Variants in RBMS3 observed in about 807,000 individuals in gnomAD.
The protein encoded by RBMS3 is RNA-binding motif, single-stranded-interacting protein 3.
RBMS3 carries 27 observed loss-of-function variants against 66.8 expected under a neutral mutation model. The observed-to-expected ratio is 0.40, with a 90% CI of 0.30 to 0.56. The LOEUF is 0.56. Ranked by LOEUF, RBMS3 falls within the 20% of genes least tolerant of loss-of-function variation. The pLI, the probability that RBMS3 is intolerant of heterozygous loss-of-function variation, is 0.40. For missense variants in RBMS3, 513 were observed against 549.5 expected (o/e 0.93, Z 0.66); for synonymous variants, 188 against 183.0 (o/e 1.03, Z -0.22).
At chr3:29,816,088 T>C (rs1019534462) in intron 6 of RBMS3, among the ~76,000 whole-genome samples, 114 of 152,230 alleles carry the variant, frequency 7.5e-4, no homozygotes, top group African/African-American at 2.6e-3. Context: ...GGTGGATGTA[T>C]AGGGAGTATG....
At chr3:30,002,210 T>A (rs908369918) in intron 14 of RBMS3, among the ~76,000 whole-genome samples, 9 of 152,026 alleles carry the variant, frequency 5.9e-5, no homozygotes, top group Non-Finnish European at 1.2e-4. Flanking sequence ...TTGAGACCAG[T>A]GAATATCAAG....
At chr3:29,762,727 C>T (rs2055747394) in intron 5 of RBMS3, among the ~76,000 whole-genome samples, 183 bp from the exon 6 acceptor site, 1 of 152,084 alleles carries the variant, frequency 6.6e-6, no homozygotes, top group Admixed American at 6.6e-5. Flanking sequence ...ATAATACTTT[C>T]TAAGCATTAA....
At chr3:29,607,022 C>A (rs79858836) in intron 4 of RBMS3, among the ~76,000 whole-genome samples, 1 of 151,932 alleles carries the variant, frequency 6.6e-6, no homozygotes, top group South Asian at 2.1e-4. Context: ...GTTTGCTTCA[C>A]AGTTTCACTA....
chr3:29,399,585 C>T (rs1296877953), intron 1 of RBMS3, among the ~76,000 whole-genome samples: 2 of 152,168 alleles, frequency 1.3e-5, no homozygotes, highest in Admixed American at 6.6e-5. Context: ...GCCGAACTTC[C>T]AGCATCATGG....
At chr3:29,404,681 C>T (rs1228910483) in intron 1 of RBMS3, among the ~76,000 whole-genome samples, 1 of 152,172 alleles carries the variant, frequency 6.6e-6, no homozygotes, top group Admixed American at 6.5e-5. Context: ...GTAGGATAAT[C>T]ATGATGAGTT....
At chr3:29,938,754 C>T (rs1008192926) in intron 11 of RBMS3, among the ~76,000 whole-genome samples, 1 of 151,894 alleles carries the variant, frequency 6.6e-6, no homozygotes, top group Non-Finnish European at 1.5e-5. Flanking sequence ...ATCCTGGCAT[C>T]ATGGAAAGAT....
intron 6 of RBMS3, among the ~76,000 whole-genome samples, chr3:29,862,426 C>G (rs35345406): frequency 0.17 from 25,716 of 152,116 alleles, 2,171 homozygotes; most frequent in South Asian, 0.21. Flanking sequence ...AAACTTCACT[C>G]CAACCTCTCC....
At chr3:29,961,632 G>A (rs946601910) in intron 12 of RBMS3, among the ~76,000 whole-genome samples, 2 of 152,066 alleles carry the variant, frequency 1.3e-5, no homozygotes, top group Non-Finnish European at 2.9e-5. Flanking sequence ...CATGGTGGAA[G>A]GTGAAGGAAA....
At chr3:29,808,106 G>A (rs566070490) in intron 6 of RBMS3, among the ~76,000 whole-genome samples, 108 of 151,948 alleles carry the variant, frequency 7.1e-4, no homozygotes, top group Admixed American at 1.3e-3. Flanking sequence ...TTAAAGCACA[G>A]TTAACAGGTA....
intron 12 of RBMS3, among the ~76,000 whole-genome samples, chr3:29,959,606 C>T (rs1362212759): frequency 1.3e-5 from 2 of 152,090 alleles, no homozygotes; most frequent in East Asian, 3.9e-4. Context: ...TATATAAGTT[C>T]ATTTTCATGA....
chr3:29,444,174 A>G (rs894962962), intron 2 of RBMS3, among the ~76,000 whole-genome samples: 1 of 151,724 alleles, frequency 6.6e-6, no homozygotes, highest in African/African-American at 2.4e-5. Context: ...TGATGAGACA[A>G]TAGTGTGGTA....
At chr3:29,710,009 C>T (rs903183072) in intron 4 of RBMS3, among the ~76,000 whole-genome samples, 3 of 152,100 alleles carry the variant, frequency 2.0e-5, no homozygotes, top group African/African-American at 4.8e-5. Context: ...AGATGACATT[C>T]GTAACTTTCT....
intron 3 of RBMS3, among the ~76,000 whole-genome samples, chr3:29,506,112 A>G: frequency 6.6e-6 from 1 of 151,868 alleles, no homozygotes; most frequent in South Asian, 2.1e-4. Context: ...GTCCAGTAAT[A>G]TGTTCAATAG....
chr3:29,827,295 C>A (rs1409427771), intron 6 of RBMS3, among the ~76,000 whole-genome samples: 1 of 152,142 alleles, frequency 6.6e-6, no homozygotes, highest in Non-Finnish European at 1.5e-5. Context: ...AAATAATTTT[C>A]AGCAAAGACA....
intron 3 of RBMS3, among the ~76,000 whole-genome samples, chr3:29,498,404 AT>A (rs1375975136): frequency 6.6e-6 from 1 of 152,138 alleles, no homozygotes; most frequent in Non-Finnish European, 1.5e-5. Context: ...TACATGGCAA[AT>A]TGTATATACT....
At chr3:29,837,316 T>C (rs1346183525) in intron 6 of RBMS3, among the ~76,000 whole-genome samples, 3 of 152,070 alleles carry the variant, frequency 2.0e-5, no homozygotes, top group Non-Finnish European at 4.4e-5. Flanking sequence ...ACCTTATACG[T>C]AGTCTAGTTT....
intron 4 of RBMS3, among the ~76,000 whole-genome samples, chr3:29,646,677 T>C (rs1474012535): frequency 6.6e-6 from 1 of 152,120 alleles, no homozygotes; most frequent in African/African-American, 2.4e-5. Flanking sequence ...TCTCCTTTTT[T>C]TTTTTCATCC....
intron 1 of RBMS3, among the ~76,000 whole-genome samples, chr3:29,358,123 G>A (rs113746618): frequency 0.076 from 11,538 of 152,180 alleles, 767 homozygotes; most frequent in African/African-American, 0.18. Context: ...CCTTGCCCCT[G>A]CCTACGTCCT....
intron 4 of RBMS3, among the ~76,000 whole-genome samples, chr3:29,670,979 C>A (rs79868784): frequency 0.051 from 7,780 of 152,246 alleles, 692 homozygotes; most frequent in African/African-American, 0.18. Flanking sequence ...CCCCAAGTAG[C>A]CTAACTGGGA....
Sources: gnomAD v4.1 joint callset for allele counts (sites outside exome capture counted in the v4.1 genomes callset) on GRCh38, gnomAD v4.1.1 for gene constraint, MANE v1.5 for transcripts, NCBI Gene and HGNC (gene_info 2026-07-23, HGNC 2026-07-21) for gene names.